AGAP1: variants seen among roughly 807,000 people sequenced by gnomAD.
AGAP1 encodes the protein ArfGAP with GTPase domain, ankyrin repeat and PH domain 1, also known as arf-GAP with GTPase, ANK repeat and PH domain-containing protein 1.
AGAP1 carries 29 observed loss-of-function variants against 105.3 expected under a neutral mutation model. The ratio of observed to expected loss-of-function variants is 0.28; its 90% CI spans 0.21 to 0.38. The LOEUF (loss-of-function observed/expected upper bound fraction) is 0.38. AGAP1 is among the 10% of genes least tolerant of loss of function. The pLI is 1.00. For missense variants in AGAP1, 998 were observed against 1,165.1 expected (o/e 0.86, Z 2.09); for synonymous variants, 509 against 485.9 (o/e 1.05, Z -0.63).
intron 1 of AGAP1, among the ~76,000 whole-genome samples, chr2:235,593,097 A>T (rs1865941): frequency 6.6e-6 from 1 of 152,108 alleles, no homozygotes; most frequent in Admixed American, 6.6e-5. Context: ...GGGGAGAGGG[A>T]TGCAGGTTGT....
Position 235,710,412 on chromosome 2 carries a change from G to A in AGAP1, c.222+1175G>A, listed in dbSNP as rs141597966. On this transcript the variant is annotated intron_variant, in intron 2 of 17. Coordinates refer to ENST00000304032, the MANE Select transcript of AGAP1 (RefSeq NM_001037131.3). ...GGGAAGGCCCTGTGGTCACTGTGCC[G>A]TCTCTCTCATTGGTGTCTGACACAC... 6.9e-3 allele frequency among the ~76,000 whole-genome samples: 1,053 copies of A among 152,306 alleles called. 10 individuals carry two copies. Among genetic ancestry groups the A allele is most frequent in the African/African-American group, 0.023 (963 of 41,564 alleles).
chr2:235,947,630 A>G (rs1431994217), intron 12 of AGAP1, among the ~76,000 whole-genome samples: 3 of 152,074 alleles, frequency 2.0e-5, no homozygotes, highest in Admixed American at 2.0e-4. Flanking sequence ...CTGATCTGTC[A>G]TCTCCCCCCG....
chr2:235,644,491 A>T (rs1947307932), intron 1 of AGAP1, among the ~76,000 whole-genome samples: 1 of 152,104 alleles, frequency 6.6e-6, no homozygotes, highest in South Asian at 2.1e-4. Context: ...AGAGTAGCTC[A>T]TCATCATTCT....
chr2:235,796,874 G>T (rs1372327924), intron 6 of AGAP1, among the ~76,000 whole-genome samples: 1 of 152,186 alleles, frequency 6.6e-6, no homozygotes, highest in Non-Finnish European at 1.5e-5. Flanking sequence ...TTATTCTGCG[G>T]CAGTGACACC....
intron 13 of AGAP1, among the ~76,000 whole-genome samples, chr2:236,010,039 CAA>C (rs1421865126): frequency 6.6e-6 from 1 of 150,530 alleles, no homozygotes; most frequent in African/African-American, 2.5e-5. Context: ...AAGAGCCAGT[CAA>C]AAGAGTCTCA....
At chr2:235,703,681 C>T (rs190776648) in intron 1 of AGAP1, among the ~76,000 whole-genome samples, 289 of 152,008 alleles carry the variant, frequency 1.9e-3, no homozygotes, top group Middle Eastern at 3.4e-3. Flanking sequence ...TTACCACAAC[C>T]TCCGCCTCCT....
rs373736657 is a variant in AGAP1, at chr2:236,124,182, G to A, written c.*60G>A. 3.9e-5 allele frequency: 61 copies of A among 1,576,344 alleles called. No homozygotes were observed. Among genetic ancestry groups the A allele is most frequent in the African/African-American group, 5.4e-5 (4 of 74,010 alleles). On this transcript the variant is annotated 3_prime_UTR_variant, in exon 18 of 18. Transcript: ENST00000304032. The surrounding 1 kb of genome is among the most constrained non-coding windows in gnomAD (Gnocchi z 5.1). ...GACGCGGCAGCCTCGCCGCATTCTC[G>A]CTCAGAAGTCGCAGCACGTGAGTCC...
intron 11 of AGAP1, among the ~76,000 whole-genome samples, chr2:235,914,801 A>G (rs536197448): frequency 2.5e-4 from 38 of 152,298 alleles, no homozygotes; most frequent in African/African-American, 9.1e-4. Context: ...GGGCTGGGGC[A>G]CAGCAGCAGG....
At chr2:235,512,128 C>A (rs1038283130) in intron 1 of AGAP1, among the ~76,000 whole-genome samples, 1 of 150,576 alleles carries the variant, frequency 6.6e-6, no homozygotes. Flanking sequence ...TGGTGATGGT[C>A]ATTGTCCACA....
At chr2:235,560,152 T>C (rs1944100071) in intron 1 of AGAP1, among the ~76,000 whole-genome samples, 1 of 152,170 alleles carries the variant, frequency 6.6e-6, no homozygotes, top group Non-Finnish European at 1.5e-5. Context: ...TTGAGTTACT[T>C]TTTGTATATG....
chr2:235,822,096 GTTC>G (rs1266526071), intron 9 of AGAP1, among the ~76,000 whole-genome samples: 1 of 152,188 alleles, frequency 6.6e-6, no homozygotes, highest in Admixed American at 6.5e-5. Context: ...TCTCCCTTGA[GTTC>G]TTATTTTTCC....
At chr2:236,021,328 A>G (rs1224216632) in intron 13 of AGAP1, among the ~76,000 whole-genome samples, 1 of 152,072 alleles carries the variant, frequency 6.6e-6, no homozygotes, top group Non-Finnish European at 1.5e-5. Flanking sequence ...CTCAGCGCTG[A>G]GCAGCACCTA....
At chr2:235,510,875 C>T (rs941573747) in intron 1 of AGAP1, among the ~76,000 whole-genome samples, 3 of 150,952 alleles carry the variant, frequency 2.0e-5, no homozygotes, top group African/African-American at 4.9e-5. Context: ...CTTAGAAGGT[C>T]GCAAAATCCA....
chr2:236,063,189 G>A (rs1002552288), intron 16 of AGAP1, among the ~76,000 whole-genome samples: 1 of 152,054 alleles, frequency 6.6e-6, no homozygotes, highest in African/African-American at 2.4e-5. Flanking sequence ...CACCTCCCAG[G>A]TTCAAGTGAT....
chr2:235,829,203 C>T (rs1262929696), intron 9 of AGAP1, among the ~76,000 whole-genome samples: 1 of 152,212 alleles, frequency 6.6e-6, no homozygotes, highest in African/African-American at 2.4e-5. Flanking sequence ...TCTGTGCATC[C>T]CCTGGCCCCT....
chr2:235,713,259 G>A (rs888091517), intron 2 of AGAP1, among the ~76,000 whole-genome samples: 9 of 152,208 alleles, frequency 5.9e-5, no homozygotes, highest in Admixed American at 6.5e-5. Flanking sequence ...GACATGAAGC[G>A]GGTGCCCTTG....
intron 1 of AGAP1, among the ~76,000 whole-genome samples, chr2:235,530,126 C>A (rs147930196): frequency 6.6e-6 from 1 of 152,176 alleles, no homozygotes; most frequent in East Asian, 1.9e-4. Context: ...TAAAACTCCC[C>A]GTAGGACTAC....
rs1377620695 is a variant in AGAP1, at chr2:235,555,773, T to C, written c.163+60924T>C. On this transcript the variant is annotated intron_variant, in intron 1 of 17. Coordinates refer to ENST00000304032, the MANE Select transcript of AGAP1 (RefSeq NM_001037131.3). This position sits in a 1 kb window ranked among gnomAD's most constrained non-coding sequence, Gnocchi z 5.1. ...CTGAAGTGCTCAGGAGAGGAGACTTTGGGGGTCATCACTCATTTCTGAGTT... is the reference window on the plus strand; with the variant it reads ...CTGAAGTGCTCAGGAGAGGAGACTTCGGGGGTCATCACTCATTTCTGAGTT... Among the ~76,000 whole-genome samples, 1 of 152,168 alleles carries C rather than the reference T, an allele frequency of 6.6e-6. No homozygotes were observed. Among genetic ancestry groups the C allele is most frequent in the African/African-American group, 2.4e-5 (1 of 41,432 alleles).
At chr2:235,579,766 A>C (rs1574892466) in intron 1 of AGAP1, among the ~76,000 whole-genome samples, 1 of 148,044 alleles carries the variant, frequency 6.8e-6, no homozygotes, top group African/African-American at 2.5e-5. Context: ...ACAGAGCGAG[A>C]CTCCATCTCA....
Sources: allele counts gnomAD v4.1 joint callset (sites outside exome capture counted in the v4.1 genomes callset), GRCh38; gene constraint gnomAD v4.1.1; non-coding constraint Gnocchi (gnomAD v3.1); transcripts MANE v1.5; gene names NCBI Gene and HGNC (gene_info 2026-07-23, HGNC 2026-07-21).